Variants in RGPD2 observed in about 807,000 individuals in gnomAD.
RGPD2 encodes RANBP2 like and GRIP domain containing 2, also known as RANBP2-like and GRIP domain-containing protein 2.
RGPD2 carries 2 observed loss-of-function variants against 36.0 expected under a neutral mutation model. The ratio of observed to expected loss-of-function variants is 0.06; its 90% CI spans 0.02 to 0.17. The LOEUF is 0.17. Ranked by LOEUF, RGPD2 falls within the 10% of genes least tolerant of loss-of-function variation. The pLI, the probability that RGPD2 is intolerant of heterozygous loss-of-function variation, is 1.00. For missense variants in RGPD2, 40 were observed against 464.3 expected, an observed-to-expected ratio of 0.09 and a Z score of 8.40; for synonymous variants, 19 against 163.8, an observed-to-expected ratio of 0.12 and a Z score of 6.75.
chr2:87,882,492 T>C, the RGPD2 span, among the ~76,000 whole-genome samples: 1 of 152,242 alleles, frequency 6.6e-6, no homozygotes, highest in Non-Finnish European at 1.5e-5. Flanking sequence ...CTGTTTTGAT[T>C]CCTATAGCTT....
At chr2:87,842,124 G>A in the RGPD2 span, among the ~76,000 whole-genome samples, 1 of 152,176 alleles carries the variant, frequency 6.6e-6, no homozygotes. Flanking sequence ...GCCAAAACTG[G>A]AAGCATTCCC....
chr2:87,790,909 G>GAT (rs1446699386), intron 17 of RGPD2, among the ~76,000 whole-genome samples: 1 of 141,004 alleles, frequency 7.1e-6, no homozygotes, highest in Non-Finnish European at 1.6e-5. Flanking sequence ...GTTAAAATAA[G>GAT]ATATATATAC....
chr2:87,976,689 G>A, the RGPD2 span, among the ~76,000 whole-genome samples: 2 of 151,546 alleles, frequency 1.3e-5, no homozygotes, highest in East Asian at 3.9e-4. Flanking sequence ...AGAATCAAAT[G>A]AAAGCCCTGT....
At chr2:87,863,456 C>T in the RGPD2 span, among the ~76,000 whole-genome samples, 643 of 149,504 alleles carry the variant, frequency 4.3e-3, 3 homozygotes, top group African/African-American at 0.015. Context: ...CCAATTTAGG[C>T]AGGACTATGA....
the RGPD2 span, among the ~76,000 whole-genome samples, chr2:87,962,752 GA>G: frequency 3.9e-5 from 6 of 151,940 alleles, no homozygotes; most frequent in African/African-American, 1.5e-4. Flanking sequence ...CCAGGAGTTG[GA>G]GACTGCAATG....
chr2:87,763,221 G>A (rs1322139723), intron 22 of RGPD2, among the ~76,000 whole-genome samples: 14 of 137,484 alleles, frequency 1.0e-4, no homozygotes, highest in Admixed American at 2.2e-4. Flanking sequence ...GCAGTGGCAC[G>A]ATCTCAGCTC....
chr2:87,972,672 G>A, the RGPD2 span: 2 of 1,519,230 alleles, frequency 1.3e-6, no homozygotes, highest in Admixed American at 1.9e-5. Flanking sequence ...CGGGCCAGCA[G>A]CGGGAACGGC....
At chr2:87,983,588 G>A in the RGPD2 span, among the ~76,000 whole-genome samples, 1 of 126,236 alleles carries the variant, frequency 7.9e-6, no homozygotes, top group Admixed American at 9.1e-5. Context: ...TCCAGTTGGG[G>A]GAGGAGGGAC....
At chr2:87,824,183 G>T (rs1276907012) in intron 1 of RGPD2, among the ~76,000 whole-genome samples, 1 of 149,398 alleles carries the variant, frequency 6.7e-6, no homozygotes, top group Non-Finnish European at 1.5e-5. Context: ...CACCACGCCC[G>T]GCTCATTTTT....
the RGPD2 span, among the ~76,000 whole-genome samples, chr2:87,885,935 C>T: frequency 7.2e-5 from 11 of 151,964 alleles, no homozygotes; most frequent in Admixed American, 7.2e-4. Flanking sequence ...TTTTTTACAC[C>T]ACAGGACAAA....
the RGPD2 span, among the ~76,000 whole-genome samples, chr2:87,985,296 G>T: frequency 6.6e-6 from 1 of 151,206 alleles, no homozygotes. Context: ...CACATCCCAA[G>T]CAATATGTGT....
chr2:87,805,762 A>C (rs1239267969), intron 7 of RGPD2, among the ~76,000 whole-genome samples: 3 of 152,178 alleles, frequency 2.0e-5, no homozygotes, highest in African/African-American at 7.2e-5. Context: ...CGGGAGGCTG[A>C]GGCAGGAAAA....
chr2:87,985,041 G>C, the RGPD2 span, among the ~76,000 whole-genome samples: 1 of 143,962 alleles, frequency 6.9e-6, no homozygotes, highest in East Asian at 2.1e-4. Context: ...TTTTTTTTCA[G>C]AGTGACCCAG....
At chr2:87,922,317 C>CAAAAAAAAAAAAAAAAAAAA in the RGPD2 span, among the ~76,000 whole-genome samples, 1 of 142,424 alleles carries the variant, frequency 7.0e-6, no homozygotes, top group African/African-American at 2.6e-5. Flanking sequence ...AAAAAAAAAC[C>CAAAAAAAAAAAAAAAAAAAA]AAAAAAGTAA....
At chr2:87,842,666 C>T in the RGPD2 span, among the ~76,000 whole-genome samples, 1 of 150,772 alleles carries the variant, frequency 6.6e-6, no homozygotes, top group Admixed American at 6.6e-5. Context: ...ATGCCATCCC[C>T]ATCAAGCTAC....
chr2:87,760,649 G>T (rs1573992253), intron 22 of RGPD2, among the ~76,000 whole-genome samples: 8 of 7,754 alleles, frequency 1.0e-3, no homozygotes, highest in Admixed American at 4.6e-3. Context: ...ACAGAGTCTT[G>T]CTCTGTTGCC....
the RGPD2 span, among the ~76,000 whole-genome samples, chr2:87,913,458 G>A: frequency 1.3e-5 from 2 of 151,522 alleles, no homozygotes; most frequent in Admixed American, 1.3e-4. Flanking sequence ...ATGAGTTGAT[G>A]GGTGCAGCAC....
chr2:87,769,696 C>G (rs2104246073), intron 22 of RGPD2, among the ~76,000 whole-genome samples: 1 of 152,002 alleles, frequency 6.6e-6, no homozygotes, highest in South Asian at 2.1e-4. Flanking sequence ...CTATTGAAAA[C>G]TTTAATTTTA....
At chr2:87,937,574 CTT>C in the RGPD2 span, among the ~76,000 whole-genome samples, 3 of 151,716 alleles carry the variant, frequency 2.0e-5, no homozygotes, top group African/African-American at 4.8e-5. Flanking sequence ...GTCTCAGACT[CTT>C]TTTAACAAGT....
Sources: gnomAD v4.1 joint callset for allele counts (sites outside exome capture counted in the v4.1 genomes callset) on GRCh38, gnomAD v4.1.1 for gene constraint, MANE v1.5 for transcripts, NCBI Gene and HGNC (gene_info 2026-07-23, HGNC 2026-07-21) for gene names.